ZFHX3: variants seen among roughly 807,000 people sequenced by gnomAD.
ZFHX3 encodes the protein zinc finger homeobox 3.
Under a neutral mutation model 279.1 loss-of-function variants are expected in ZFHX3, and 42 were observed. The ratio of observed to expected loss-of-function variants is 0.15; its 90% CI spans 0.12 to 0.19. The LOEUF is 0.19. Among genes scored for constraint, ZFHX3 ranks in the 10% least tolerant of loss-of-function variants. The probability of loss-of-function intolerance (pLI) is 1.00; values close to 1 mark genes in which losing one functional copy is unlikely to be tolerated. For synonymous variants in ZFHX3, 2,293 were observed against 1,957.8 expected, an observed-to-expected ratio of 1.17 and a Z score of -4.52; for missense variants, 4,981 against 4,754.0, an observed-to-expected ratio of 1.05 and a Z score of -1.40.
chr16:73,215,309 T>G (rs913180098), intron 5 of ZFHX3, among the ~76,000 whole-genome samples: 3 of 152,118 alleles, frequency 2.0e-5, no homozygotes, highest in Admixed American at 6.5e-5. Flanking sequence ...CTCTACCCAT[T>G]TTTCATGACA....
intron 7 of ZFHX3, among the ~76,000 whole-genome samples, chr16:73,121,331 A>T (rs1029458652): frequency 1.3e-5 from 2 of 152,234 alleles, no homozygotes; most frequent in African/African-American, 2.4e-5. Context: ...TTGCATAGTG[A>T]AATGGTAATA....
rs1043728915 is a variant in ZFHX3 at position 73,805,021 on chromosome 16, A to G, written c.-1608+86630T>C. On this transcript the variant is annotated intron_variant, in intron 1 of 17. Coordinates refer to the ZFHX3 transcript ENST00000641206. The stretch of plus-strand genomic sequence containing the variant: ...TATTATATGACTATTTATGGCTTCA[A>G]TTCTTAAGCGAGTATACTTAGTGTT... Among the ~76,000 whole-genome samples the G allele has an allele frequency of 5.3e-5, 8 of 151,854 alleles. No homozygotes were observed. The East Asian group carries it at 1.2e-3, about 22-fold the overall frequency.
chr16:73,147,972 G>A lies in ZFHX3; in HGVS notation c.-1103-4141C>T, dbSNP rs149302625. On this transcript the variant is annotated intron_variant, in intron 5 of 17. Coordinates refer to the ZFHX3 transcript ENST00000641206. ...ATATCTTCTCTTTGTGAGCAAGAAA[G>A]TCCAGTATCTATTTAGAAAGTTTAG... Among the ~76,000 whole-genome samples, 128 of 152,330 alleles carry A rather than the reference G, an allele frequency of 8.4e-4. No individual in the cohort carries two copies. The East Asian group carries it at 0.017, about 20-fold the overall frequency.
intron 3 of ZFHX3, among the ~76,000 whole-genome samples, chr16:73,368,107 G>A (rs755006397): frequency 1.3e-5 from 2 of 152,160 alleles, no homozygotes; most frequent in African/African-American, 2.4e-5. Context: ...CTGACCTCAA[G>A]TGATCCACCC....
At chr16:73,088,928 G>A (rs1486658632) in intron 8 of ZFHX3, among the ~76,000 whole-genome samples, 1 of 152,126 alleles carries the variant, frequency 6.6e-6, no homozygotes, top group African/African-American at 2.4e-5. Context: ...AGGGCAGGTG[G>A]CAGCCAGAGA....
intron 4 of ZFHX3, among the ~76,000 whole-genome samples, chr16:73,301,960 A>G (rs995927201): frequency 3.9e-5 from 6 of 152,126 alleles, no homozygotes; most frequent in Admixed American, 6.5e-5. Flanking sequence ...GACAGAGTCC[A>G]TGCAAGCCAC....
chr16:73,879,079 A>G (rs905215433), intron 1 of ZFHX3, among the ~76,000 whole-genome samples: 2 of 151,394 alleles, frequency 1.3e-5, no homozygotes, highest in African/African-American at 4.9e-5. Context: ...GCTTCTTCCA[A>G]CTTCTCTTGA....
chr16:73,126,246 T>C (rs1419748544), intron 7 of ZFHX3, among the ~76,000 whole-genome samples: 1 of 152,062 alleles, frequency 6.6e-6, no homozygotes, highest in African/African-American at 2.4e-5. Flanking sequence ...AGGAAATTTA[T>C]CCGTGTGCAA....
At chr16:72,843,682 C>A (rs12446919) in intron 4 of ZFHX3, among the ~76,000 whole-genome samples, 1 of 152,120 alleles carries the variant, frequency 6.6e-6, no homozygotes, top group East Asian at 1.9e-4. Flanking sequence ...CAGCCTCACA[C>A]CCTGCTCCCT....
At chr16:72,963,806 A>G (rs1961699654) in intron 1 of ZFHX3, among the ~76,000 whole-genome samples, 1 of 152,140 alleles carries the variant, frequency 6.6e-6, no homozygotes, top group South Asian at 2.1e-4. Flanking sequence ...AGTTATGACG[A>G]AGGGGAGGGG....
At chr16:73,472,241 C>T (rs2018680568) in intron 2 of ZFHX3, among the ~76,000 whole-genome samples, 1 of 146,596 alleles carries the variant, frequency 6.8e-6, no homozygotes, top group African/African-American at 2.5e-5. Flanking sequence ...TTCAGACTCT[C>T]AGGTCAGGAT....
At position 72,849,766 on chromosome 16, in the gene ZFHX3, T is replaced by G. The variant is rs181107132; in HGVS notation, c.3449-19907A>C. ...ATTCACTTCCCTGGTTGTTCGAGAGTAGGAGACAGAGCCCTGTCAAGAGTG... is the reference window on the plus strand; with the variant it reads ...ATTCACTTCCCTGGTTGTTCGAGAGGAGGAGACAGAGCCCTGTCAAGAGTG... On this transcript the variant is annotated intron_variant, in intron 4 of 9. Transcript: ENST00000268489. Among the ~76,000 whole-genome samples the G allele has an allele frequency of 3.4e-5, 5 of 149,224 alleles. No individual in the cohort carries two copies. In the East Asian group the frequency reaches 1.0e-3, roughly 30 times the overall value.
At chr16:72,819,035 G>C (rs1378697181) in intron 5 of ZFHX3, among the ~76,000 whole-genome samples, 2 of 152,164 alleles carry the variant, frequency 1.3e-5, no homozygotes, top group Non-Finnish European at 2.9e-5. Flanking sequence ...GCAGCTCTTA[G>C]TTGTTATTAT....
chr16:73,470,574 C>A (rs775349433), intron 2 of ZFHX3, among the ~76,000 whole-genome samples: 22 of 152,150 alleles, frequency 1.4e-4, no homozygotes, highest in Non-Finnish European at 8.8e-5. Flanking sequence ...AAGGCACAAA[C>A]CTTTCTGCTT....
intron 2 of ZFHX3, among the ~76,000 whole-genome samples, chr16:73,493,944 C>A (rs977897595): frequency 6.6e-6 from 1 of 152,102 alleles, no homozygotes. Flanking sequence ...ACTGAAGAAG[C>A]CATGTGGCTT....
intron 7 of ZFHX3, among the ~76,000 whole-genome samples, chr16:72,801,179 C>T (rs2036089138): frequency 6.6e-6 from 1 of 152,106 alleles, no homozygotes; most frequent in Non-Finnish European, 1.5e-5. Context: ...TTGATGATAG[C>T]TGGAGAAATG....
chr16:73,457,351 C>A (rs1389655557), intron 2 of ZFHX3, among the ~76,000 whole-genome samples: 2 of 152,140 alleles, frequency 1.3e-5, no homozygotes, highest in Non-Finnish European at 2.9e-5. Context: ...CGGTGGCAGC[C>A]CCAGAGCGCC....
chr16:73,401,655 C>T (rs1455561942), intron 3 of ZFHX3: 2 of 152,108 alleles, frequency 1.3e-5, no homozygotes, highest in African/African-American at 2.4e-5. Context: ...TCTGAGCATC[C>T]TGAGAATTAA....
Position 72,793,540 on chromosome 16 carries a change from G to A in ZFHX3, c.9142C>T (p.His3048Tyr). 1 of 1,614,204 alleles carries A rather than the reference G, an allele frequency of 6.2e-7. No individual in the cohort carries two copies. Among genetic ancestry groups the A allele is most frequent in the Non-Finnish European group, 8.5e-7 (1 of 1,180,040 alleles). ...SVRDHIFSQQ[H>Y]ISKVKDTIGS... ...ATGGTGTCTTTAACTTTGGAGATATGCTGTTGGGAAAAGATATGGTCACGT... is the reference window on the plus strand; with the variant it reads ...ATGGTGTCTTTAACTTTGGAGATATACTGTTGGGAAAAGATATGGTCACGT... Residue 3048 changes from histidine (H) to tyrosine (Y), a missense_variant, in exon 9 of 10, where the codon CAT becomes TAT. Physicochemically the swap from His to Tyr is moderately conservative, Grantham distance 83 (BLOSUM62 2). Coordinates refer to ENST00000268489, the MANE Select transcript of ZFHX3 (RefSeq NM_006885.4). This position sits in a 1 kb window ranked among gnomAD's most constrained non-coding sequence, Gnocchi z 4.3.
Sources: gnomAD v4.1 joint callset for allele counts (sites outside exome capture counted in the v4.1 genomes callset) on GRCh38, gnomAD v4.1.1 for gene constraint, Gnocchi (gnomAD v3.1) non-coding constraint, MANE v1.5 for transcripts, NCBI Gene and HGNC (gene_info 2026-07-23, HGNC 2026-07-21) for gene names.